TBC1D20: variants seen among roughly 807,000 people sequenced by gnomAD.
TBC1D20 encodes the protein TBC1 domain family member 20, also known as chromosome 20 open reading frame 140.
TBC1D20 carries 12 observed loss-of-function variants against 41.6 expected under a neutral mutation model. The ratio of observed to expected loss-of-function variants is 0.29; its 90% CI spans 0.18 to 0.47. The LOEUF (loss-of-function observed/expected upper bound fraction) is 0.47. Ranked by LOEUF, TBC1D20 falls within the 20% of genes least tolerant of loss-of-function variation. TBC1D20 has a pLI of 1.00. For synonymous variants in TBC1D20, 205 were observed against 204.8 expected (o/e 1.00, Z -0.01); for missense variants, 421 against 517.4 (o/e 0.81, Z 1.81).
chr20:462,109 G>A (rs1362761025), intron 1 of TBC1D20, among the ~76,000 whole-genome samples: 1 of 152,188 alleles, frequency 6.6e-6, no homozygotes, highest in African/African-American at 2.4e-5. Context: ...CGACTCTGCC[G>A]CCAGGCTCCC....
At chr20:456,777 G>A (rs2017547914) in intron 1 of TBC1D20, among the ~76,000 whole-genome samples, 1 of 151,080 alleles carries the variant, frequency 6.6e-6, no homozygotes, top group South Asian at 2.1e-4. Flanking sequence ...TGTTGGCCAG[G>A]CTGGTCTTGA....
At position 440,399 on chromosome 20, in the gene TBC1D20, A is replaced by G. The variant is rs762617536; in HGVS notation, c.627-10T>C. 1.0e-4 allele frequency: 165 copies of G among 1,613,778 alleles called. No homozygotes were observed. The highest frequency in any genetic ancestry group is 1.2e-4 in the Non-Finnish European group (144 of 1,179,912). ...GGTCCCTACCTCAGCACTAGAAACA[A>G]AGGAAAGGCAGGTGTCAGGTCCTGT... On this transcript the variant is annotated splice_polypyrimidine_tract_variant and intron_variant, in intron 5 of 7. Transcript: ENST00000354200.
intron 1 of TBC1D20, among the ~76,000 whole-genome samples, chr20:458,452 C>T (rs190694358): frequency 2.0e-5 from 3 of 151,756 alleles, no homozygotes; most frequent in Admixed American, 6.6e-5. Context: ...TAGCTGGGAC[C>T]ACAGACAAGC....
At chr20:458,042 A>C (rs1350053986) in intron 1 of TBC1D20, among the ~76,000 whole-genome samples, 1 of 152,166 alleles carries the variant, frequency 6.6e-6, no homozygotes, top group Non-Finnish European at 1.5e-5. Context: ...AGGGAAGCTG[A>C]TATTCAGAAG....
intron 1 of TBC1D20, among the ~76,000 whole-genome samples, chr20:458,442 T>G (rs2122428205): frequency 6.6e-6 from 1 of 151,886 alleles, no homozygotes; most frequent in East Asian, 1.9e-4. Context: ...GCCTCCCAGG[T>G]AGCTGGGACC....
chr20:451,576 C>T (rs932867796), intron 1 of TBC1D20, among the ~76,000 whole-genome samples: 1 of 152,076 alleles, frequency 6.6e-6, no homozygotes, highest in South Asian at 2.1e-4. Context: ...TAAATAAATT[C>T]TCTCGGCTTC....
chr20:456,427 T>G (rs1002561709), intron 1 of TBC1D20, among the ~76,000 whole-genome samples: 1 of 152,202 alleles, frequency 6.6e-6, no homozygotes, highest in Non-Finnish European at 1.5e-5. Context: ...CTACTTGTAC[T>G]AAGCACTGTA....
In TBC1D20 at chr20:462,517, G is replaced by C. The variant is rs1219496001; in HGVS notation, c.-112C>G. On this transcript the variant is annotated 5_prime_UTR_variant, in exon 1 of 8. Coordinates refer to ENST00000354200, the MANE Select transcript of TBC1D20 (RefSeq NM_144628.4). Reference sequence around the variant, plus strand: ...GCTCGGCATCGGCAGGCTCCCCTCCGTCGGCCAGCGGCGCGCAGGCGCGCA... The same window carrying C: ...GCTCGGCATCGGCAGGCTCCCCTCCCTCGGCCAGCGGCGCGCAGGCGCGCA... 4.5e-5 allele frequency: 25 copies of C among 561,778 alleles called. No individual in the cohort carries two copies. The Middle Eastern group carries it at 2.9e-3, about 65-fold the overall frequency. 34.8% of individuals were successfully genotyped at this position (561,778 alleles called of 1,614,324 possible). A position where few individuals can be genotyped will look rare whatever the true frequency, so the allele number is the denominator to read the frequency against.
intron 1 of TBC1D20, among the ~76,000 whole-genome samples, chr20:455,927 C>G (rs550132914): frequency 6.6e-6 from 1 of 150,722 alleles, no homozygotes. Context: ...AGCAAAACTC[C>G]GTCTCAAAAA....
Position 441,665 on chromosome 20 carries a change from G to A in TBC1D20, c.549C>T (p.Asp183=), listed in dbSNP as rs767372895. The change falls in exon 5 of 8, where the codon GAC becomes GAT. Residue 183 remains aspartate, a synonymous_variant. Coordinates refer to ENST00000354200, the MANE Select transcript of TBC1D20 (RefSeq NM_144628.4). The stretch of plus-strand genomic sequence containing the variant: ...GATAGTTTAATATATGCTTGGTGTT[G>A]TCCATTGTTGGATCCATAAAATCCC... ...HLRDFMDPTM[D]NTKHILNYLM... is the part of the protein sequence containing the mutation. 70 of 1,614,004 alleles carry A rather than the reference G, an allele frequency of 4.3e-5. No homozygotes were observed. Among genetic ancestry groups the A allele is most frequent in the Non-Finnish European group, 5.8e-5 (68 of 1,180,022 alleles).
At chr20:445,023 T>G in intron 3 of TBC1D20, 27 bp downstream of exon 3, 2 of 1,584,392 alleles carry the variant, frequency 1.3e-6, no homozygotes. Flanking sequence ...TCTTTCCAAA[T>G]GTGGCAGGAC....
chr20:462,314 G>T, intron 1 of TBC1D20, 22 bp downstream of exon 1: 1 of 1,278,508 alleles, frequency 7.8e-7, no homozygotes, highest in South Asian at 2.1e-5. Context: ...GCCGCTCCCG[G>T]CGCCCCGGTC....
chr20:448,469 T>C (rs1343370219), intron 1 of TBC1D20, among the ~76,000 whole-genome samples: 2 of 151,922 alleles, frequency 1.3e-5, no homozygotes, highest in East Asian at 3.9e-4. Flanking sequence ...GGTGGGCGGA[T>C]CACAAGTTCA....
intron 1 of TBC1D20, among the ~76,000 whole-genome samples, chr20:450,230 C>T (rs2017420254): frequency 6.6e-6 from 1 of 151,568 alleles, no homozygotes; most frequent in Non-Finnish European, 1.5e-5. Context: ...CTCACTGCAA[C>T]CTCCCTGTCC....
At chr20:456,337 TTTCATCCA>T (rs111897243) in intron 1 of TBC1D20, among the ~76,000 whole-genome samples, 56,046 of 151,468 alleles carry the variant, frequency 0.37, 10,857 homozygotes, top group Middle Eastern at 0.46. Flanking sequence ...AGGTGTGTCC[TTTCATCCA>T]TTCATCCATT....
chr20:445,631 C>G (rs376524532), intron 2 of TBC1D20, among the ~76,000 whole-genome samples: 113 of 152,338 alleles, frequency 7.4e-4, no homozygotes, highest in African/African-American at 2.6e-3. Context: ...CTTGACCCAG[C>G]AATTCTAAAA....
In TBC1D20 at chr20:436,765, G is replaced by A. The variant is rs373105905; in HGVS notation, c.*1821C>T. 3.3e-5 allele frequency: 5 copies of A among 153,736 alleles called. No homozygotes were observed. The highest frequency in any genetic ancestry group is 1.2e-4 in the African/African-American group (5 of 41,414). 9.5% of individuals were successfully genotyped at this position (153,736 alleles called of 1,614,324 possible). ...CGACATCACACTTACCCCACAGTGG[G>A]GCTCCTGAGCCATGGACAATGATCC... On this transcript the variant is annotated 3_prime_UTR_variant, in exon 8 of 8. Coordinates refer to ENST00000354200, the MANE Select transcript of TBC1D20 (RefSeq NM_144628.4).
At chr20:459,684 T>A (rs1184115107) in intron 1 of TBC1D20, among the ~76,000 whole-genome samples, 2 of 152,142 alleles carry the variant, frequency 1.3e-5, no homozygotes. Context: ...AAAGCAGACT[T>A]TATTTGAGGG....
At position 462,499 on chromosome 20, in the gene TBC1D20, AT is replaced by A; in HGVS notation, c.-95del. 1 of 706,424 alleles carries A rather than the reference AT, an allele frequency of 1.4e-6. No homozygotes were observed. The allele number at this position is 706,424 out of a possible 1,614,324, so 43.8% of individuals were successfully genotyped here. On this transcript the variant is annotated 5_prime_UTR_variant, in exon 1 of 8. An upstream start codon of the reference 5' UTR is lost. Coordinates refer to ENST00000354200, the MANE Select transcript of TBC1D20 (RefSeq NM_144628.4). ...CCGCGGGACGTAGCACCCGCTCGGC[AT>A]CGGCAGGCTCCCCTCCGTCGGCCAG...
Sources: allele counts gnomAD v4.1 joint callset (sites outside exome capture counted in the v4.1 genomes callset), GRCh38; gene constraint gnomAD v4.1.1; transcripts MANE v1.5; gene names NCBI Gene and HGNC (gene_info 2026-07-23, HGNC 2026-07-21).